The following LOC400499 variants were observed in gnomAD, a reference collection of about 807,000 sequenced individuals.
chr16:11,475,615 G>T, the LOC400499 span: 1 of 399,078 alleles, frequency 2.5e-6, no homozygotes, highest in Non-Finnish European at 4.4e-6. Flanking sequence ...TGGAGGCCCT[G>T]CTGCCTACCT....
the LOC400499 span, among the ~76,000 whole-genome samples, chr16:11,462,977 G>A: frequency 5.3e-5 from 8 of 152,100 alleles, no homozygotes; most frequent in East Asian, 1.9e-4. Context: ...CTCCCATCCC[G>A]CTGGTGGCAA....
chr16:11,396,216 G>C, the LOC400499 span, among the ~76,000 whole-genome samples: 2 of 152,216 alleles, frequency 1.3e-5, no homozygotes, highest in African/African-American at 4.8e-5. Flanking sequence ...CAGCTAGGCT[G>C]GGATTCAAAC....
chr16:11,435,158 T>G, the LOC400499 span, among the ~76,000 whole-genome samples: 1 of 151,946 alleles, frequency 6.6e-6, no homozygotes, highest in Admixed American at 6.6e-5. Context: ...TTTTAAAAAT[T>G]TTCTGTACAG....
chr16:11,465,728 A>G, the LOC400499 span, among the ~76,000 whole-genome samples: 1 of 151,320 alleles, frequency 6.6e-6, no homozygotes, highest in African/African-American at 2.4e-5. Flanking sequence ...ATCTACGATC[A>G]CTGCACAGAA....
At chr16:11,397,797 G>GGATGGATGGATGGATGCAT in the LOC400499 span, among the ~76,000 whole-genome samples, 1 of 142,266 alleles carries the variant, frequency 7.0e-6, no homozygotes, top group Non-Finnish European at 1.5e-5. Flanking sequence ...GAGGGAGGGA[G>GGATGGATGGATGGATGCAT]GGATGGACGG....
chr16:11,501,223 ACC>A, the LOC400499 span, among the ~76,000 whole-genome samples: 2 of 151,828 alleles, frequency 1.3e-5, no homozygotes, highest in East Asian at 1.9e-4. Flanking sequence ...ACAAGTCCGT[ACC>A]CAGTGCTCTG....
the LOC400499 span, among the ~76,000 whole-genome samples, chr16:11,513,353 C>A: frequency 6.7e-6 from 1 of 148,700 alleles, no homozygotes; most frequent in Non-Finnish European, 1.5e-5. Flanking sequence ...CTACAGTGAG[C>A]CATGATCAGA....
the LOC400499 span, among the ~76,000 whole-genome samples, chr16:11,400,913 C>T: frequency 6.6e-6 from 1 of 152,102 alleles, no homozygotes; most frequent in South Asian, 2.1e-4. Flanking sequence ...ACCCGAGGCC[C>T]CCCAGCCAGA....
the LOC400499 span, among the ~76,000 whole-genome samples, chr16:11,473,746 ACT>A: frequency 3.4e-4 from 48 of 140,808 alleles, no homozygotes; most frequent in African/African-American, 1.3e-3. Context: ...CGAGAGTGAA[ACT>A]CTGTCTCAAA....
the LOC400499 span, among the ~76,000 whole-genome samples, chr16:11,381,579 G>T: frequency 6.6e-6 from 1 of 152,308 alleles, no homozygotes; most frequent in East Asian, 1.9e-4. Context: ...TGCCTCTGTA[G>T]CAGGAAAGCA....
At chr16:11,384,856 G>A in the LOC400499 span, 2 of 1,231,968 alleles carry the variant, frequency 1.6e-6, no homozygotes, top group Non-Finnish European at 2.0e-6. Flanking sequence ...TCCGCTGTAG[G>A]TGGGGCCAAC....
At chr16:11,515,204 G>C in the LOC400499 span, among the ~76,000 whole-genome samples, 36 of 152,022 alleles carry the variant, frequency 2.4e-4, no homozygotes, top group African/African-American at 8.7e-4. Flanking sequence ...CCAGCTACTT[G>C]GGAGGCTGAG....
the LOC400499 span, chr16:11,501,012 A>C: frequency 5.0e-6 from 2 of 398,758 alleles, no homozygotes; most frequent in African/African-American, 2.1e-5. Context: ...GCGCCTGCAA[A>C]GCTCATCTCA....
At chr16:11,427,369 A>G in the LOC400499 span, among the ~76,000 whole-genome samples, 4 of 150,132 alleles carry the variant, frequency 2.7e-5, no homozygotes, top group African/African-American at 9.9e-5. Flanking sequence ...AAAAAAAAAA[A>G]AAAAAAAAAG....
chr16:11,519,080 T>C, the LOC400499 span: 2 of 397,490 alleles, frequency 5.0e-6, no homozygotes, highest in African/African-American at 4.1e-5. Context: ...CATGAACCCA[T>C]GTTGGGGGCA....
At chr16:11,495,390 T>A in the LOC400499 span, among the ~76,000 whole-genome samples, 21,707 of 151,338 alleles carry the variant, frequency 0.14, 3,183 homozygotes, top group African/African-American at 0.38. Flanking sequence ...AATCTTTTTT[T>A]TTTTTTTTAA....
At chr16:11,403,149 G>A in the LOC400499 span, among the ~76,000 whole-genome samples, 66 of 152,248 alleles carry the variant, frequency 4.3e-4, no homozygotes, top group Non-Finnish European at 6.0e-4. Context: ...ACAGCAGGAG[G>A]CTGCCCGAGG....
chr16:11,487,101 G>A, the LOC400499 span, among the ~76,000 whole-genome samples: 2 of 151,988 alleles, frequency 1.3e-5, no homozygotes, highest in African/African-American at 4.8e-5. Context: ...ATTGATAGAT[G>A]TATGGACATA....
chr16:11,480,289 C>T, the LOC400499 span, among the ~76,000 whole-genome samples: 77 of 152,274 alleles, frequency 5.1e-4, no homozygotes, highest in African/African-American at 1.8e-3. Context: ...TCTAGCGGAC[C>T]TCCCTCTTTC....
Sources: allele counts gnomAD v4.1 joint callset (sites outside exome capture counted in the v4.1 genomes callset), GRCh38; gene constraint gnomAD v4.1.1; transcripts MANE v1.5.